TCF12: variants seen among roughly 807,000 people sequenced by gnomAD.
TCF12 encodes the protein DNA-binding protein HTF4.
TCF12 carries 45 observed loss-of-function variants against 86.0 expected under a neutral mutation model. That is an observed-to-expected ratio of 0.52 (90% CI 0.41 to 0.67). TCF12 has a LOEUF of 0.67. TCF12 is among the 30% of genes least tolerant of loss of function. The pLI, the probability that TCF12 is intolerant of heterozygous loss-of-function variation, is 0.00. For missense variants in TCF12, 881 were observed against 859.9 expected (o/e 1.02, Z -0.31); for synonymous variants, 330 against 299.6 (o/e 1.10, Z -1.05).
intron 5 of TCF12, among the ~76,000 whole-genome samples, chr15:57,146,372 A>G (rs2053364570): frequency 6.6e-6 from 1 of 152,188 alleles, no homozygotes; most frequent in South Asian, 2.1e-4. Flanking sequence ...TAGATATACA[A>G]ATTTGTTACA....
chr15:57,173,455 A>C (rs2055673664), intron 6 of TCF12, among the ~76,000 whole-genome samples: 1 of 152,158 alleles, frequency 6.6e-6, no homozygotes, highest in African/African-American at 2.4e-5. Flanking sequence ...AAATTTGGCT[A>C]TTTGAAATAA....
At chr15:57,237,265 T>C (rs2059421236) in intron 12 of TCF12, among the ~76,000 whole-genome samples, 1 of 152,164 alleles carries the variant, frequency 6.6e-6, no homozygotes, top group South Asian at 2.1e-4. Context: ...AAGTAATTCA[T>C]GAAATAACTT....
intron 8 of TCF12, among the ~76,000 whole-genome samples, chr15:57,200,570 A>G (rs1322349556): frequency 2.6e-5 from 4 of 152,188 alleles, no homozygotes; most frequent in African/African-American, 9.6e-5. Flanking sequence ...TGTTCATTCT[A>G]TCTTTAATCT....
intron 19 of TCF12, among the ~76,000 whole-genome samples, chr15:57,274,047 A>G (rs2061267337): frequency 1.3e-5 from 2 of 151,662 alleles, no homozygotes; most frequent in Admixed American, 1.3e-4. Flanking sequence ...GTTTCTCCAT[A>G]TACTTATATA....
intron 3 of TCF12, among the ~76,000 whole-genome samples, 182 bp downstream of exon 3, chr15:56,921,280 A>T (rs1218169825): frequency 6.6e-6 from 1 of 152,168 alleles, no homozygotes; most frequent in Non-Finnish European, 1.5e-5. Context: ...AGAAATCTGT[A>T]GGAAATCAGT....
At chr15:57,141,585 G>A (rs1405074435) in intron 5 of TCF12, among the ~76,000 whole-genome samples, 2 of 152,194 alleles carry the variant, frequency 1.3e-5, no homozygotes, top group Non-Finnish European at 2.9e-5. Flanking sequence ...CCGACCTCAC[G>A]TGATCCGCCC....
intron 4 of TCF12, among the ~76,000 whole-genome samples, chr15:57,078,656 G>T (rs549624034): frequency 6.6e-6 from 1 of 152,184 alleles, no homozygotes; most frequent in South Asian, 2.1e-4. Context: ...TAACTAGATT[G>T]ACATGAAAAG....
intron 3 of TCF12, among the ~76,000 whole-genome samples, chr15:56,989,225 A>G (rs182652300): frequency 6.6e-6 from 1 of 152,304 alleles, no homozygotes; most frequent in Admixed American, 6.5e-5. Flanking sequence ...TCCTGCAAGC[A>G]GAGAATGGTG....
intron 3 of TCF12, among the ~76,000 whole-genome samples, chr15:56,924,904 A>G (rs1372849332): frequency 6.6e-6 from 1 of 152,216 alleles, no homozygotes; most frequent in African/African-American, 2.4e-5. Flanking sequence ...ATTCCTGAAC[A>G]ATTGAAAAAC....
intron 5 of TCF12, chr15:57,134,255 A>C (rs2052361010): frequency 6.6e-6 from 1 of 152,262 alleles, no homozygotes; most frequent in Non-Finnish European, 1.5e-5. Flanking sequence ...ATCATAGTAG[A>C]ATGTAATAAT....
At chr15:56,920,689 TCTGA>T (rs1487903131) in intron 2 of TCF12, among the ~76,000 whole-genome samples, 2 of 152,126 alleles carry the variant, frequency 1.3e-5, no homozygotes, top group African/African-American at 2.4e-5. Flanking sequence ...GGGCCATAAT[TCTGA>T]CTGTGTATAT....
At chr15:56,925,575 T>C (rs1170517205) in intron 3 of TCF12, among the ~76,000 whole-genome samples, 1 of 152,218 alleles carries the variant, frequency 6.6e-6, no homozygotes, top group Non-Finnish European at 1.5e-5. Flanking sequence ...TCTTTTCTGC[T>C]CTTAAACAAT....
intron 3 of TCF12, among the ~76,000 whole-genome samples, chr15:56,930,323 G>A (rs896925851): frequency 6.6e-6 from 1 of 152,224 alleles, no homozygotes. Context: ...AAACAGTAGC[G>A]TGGTTTGACC....
At chr15:57,273,627 C>G (rs528924572) in intron 19 of TCF12, among the ~76,000 whole-genome samples, 2 of 152,224 alleles carry the variant, frequency 1.3e-5, no homozygotes, top group East Asian at 3.9e-4. Context: ...GTCTTTCCTA[C>G]TTCTCTGTAT....
intron 5 of TCF12, among the ~76,000 whole-genome samples, chr15:57,165,622 C>T (rs770257680): frequency 1.6e-4 from 24 of 151,742 alleles, no homozygotes; most frequent in Non-Finnish European, 3.1e-4. Context: ...CTGCAACCTC[C>T]GCCTCCTGGG....
rs1408684881 is a variant in TCF12 at position 57,104,457 on chromosome 15, T to C, written c.325+12566T>C. ...TTTCTTTTTTTTTTTTTTTTTTTTT[T>C]TTGAGATGGAGTCTTTTTCTGTTGC... is the stretch of plus-strand genomic sequence containing the variant. On this transcript the variant is annotated intron_variant, in intron 5 of 20. Coordinates refer to ENST00000333725, the MANE Select transcript of TCF12 (RefSeq NM_207037.2). 5.4e-5 allele frequency among the ~76,000 whole-genome samples: 8 copies of C among 149,046 alleles called. No homozygotes were observed. The South Asian group carries it at 8.6e-4, about 16-fold the overall frequency.
chr15:57,010,567 G>T (rs1377377340), intron 3 of TCF12, among the ~76,000 whole-genome samples: 1 of 152,192 alleles, frequency 6.6e-6, no homozygotes, highest in Non-Finnish European at 1.5e-5. Context: ...CTCTTAGGTG[G>T]TCAGAGCTGA....
intron 5 of TCF12, among the ~76,000 whole-genome samples, chr15:57,122,948 T>A (rs1339173166): frequency 6.6e-6 from 1 of 152,220 alleles, no homozygotes; most frequent in Non-Finnish European, 1.5e-5. Context: ...AACAGCTTTT[T>A]AAAATAATTT....
intron 3 of TCF12, among the ~76,000 whole-genome samples, chr15:56,954,169 A>G (rs1212401552): frequency 6.6e-6 from 1 of 152,034 alleles, no homozygotes; most frequent in Non-Finnish European, 1.5e-5. Flanking sequence ...CTTACGGGTT[A>G]TTTAGAAGTG....
Sources: gnomAD v4.1 joint callset for allele counts (sites outside exome capture counted in the v4.1 genomes callset) on GRCh38, gnomAD v4.1.1 for gene constraint, MANE v1.5 for transcripts, NCBI Gene and HGNC (gene_info 2026-07-23, HGNC 2026-07-21) for gene names.